CEACAM6: variants seen among roughly 807,000 people sequenced by gnomAD.
The protein encoded by CEACAM6 is CEA cell adhesion molecule 6, also known as cell adhesion molecule CEACAM6.
A neutral mutation model predicts 32.4 loss-of-function variants in CEACAM6; 21 were observed. That is an observed-to-expected ratio of 0.65 (90% CI 0.46 to 0.93). The LOEUF (loss-of-function observed/expected upper bound fraction) is 0.93, where lower values mean the gene tolerates loss of function less well. Among genes scored for constraint, CEACAM6 ranks in the 40% least tolerant of loss-of-function variants. The probability of loss-of-function intolerance (pLI) is 0.00; values close to 1 mark genes in which losing one functional copy is unlikely to be tolerated. For missense variants in CEACAM6, 406 were observed against 432.2 expected, an observed-to-expected ratio of 0.94 and a Z score of 0.54; for synonymous variants, 184 against 174.4, an observed-to-expected ratio of 1.06 and a Z score of -0.43.
intron 5 of CEACAM6, among the ~76,000 whole-genome samples, chr19:41,767,833 T>A (rs973417433): frequency 2.6e-4 from 39 of 152,192 alleles, no homozygotes; most frequent in Non-Finnish European, 4.6e-4. Context: ...CTCAGTAATC[T>A]AACTGAGAAA....
chr19:41,760,317 T>C (rs185028877), intron 2 of CEACAM6, among the ~76,000 whole-genome samples: 1 of 152,198 alleles, frequency 6.6e-6, no homozygotes, highest in Non-Finnish European at 1.5e-5. Flanking sequence ...GGAGAAAATA[T>C]TTGCAAAACT....
chr19:41,766,554 G>A (rs574794166), intron 5 of CEACAM6, among the ~76,000 whole-genome samples: 69 of 152,170 alleles, frequency 4.5e-4, no homozygotes, highest in South Asian at 3.3e-3. Context: ...AAGCCTCTTC[G>A]TCCTTTTTCA....
At chr19:41,764,916 C>A (rs182421036) in intron 4 of CEACAM6, among the ~76,000 whole-genome samples, 3 of 152,244 alleles carry the variant, frequency 2.0e-5, no homozygotes, top group African/African-American at 7.2e-5. Flanking sequence ...TTCAATTCTT[C>A]AACTGAAAAT....
chr19:41,766,367 ACTT>A (rs1439612395), intron 5 of CEACAM6, 68 bp downstream of exon 5: 2 of 745,036 alleles, frequency 2.7e-6, no homozygotes, highest in African/African-American at 1.8e-5. Context: ...AAGGAAAAAA[ACTT>A]CTTCACCTGT....
intron 3 of CEACAM6, 101 bp downstream of exon 3, chr19:41,761,628 C>A: frequency 6.4e-7 from 1 of 1,553,058 alleles, no homozygotes. Flanking sequence ...GACTCAGACC[C>A]TCACCCAGGC....
chr19:41,770,553 A>C (rs1334175973), intron 5 of CEACAM6, among the ~76,000 whole-genome samples: 1 of 151,498 alleles, frequency 6.6e-6, no homozygotes, highest in Non-Finnish European at 1.5e-5. Context: ...ACAGGGCAAG[A>C]CTCTGTCTCA....
At position 41,755,542 on chromosome 19, in the gene CEACAM6, A is replaced by C; in HGVS notation, c.-97A>C. ...GAGGAGGCTCAGCACAGAAGGAGGA[A>C]GGACAGCAGGGCCAACAGTCACAGC... On this transcript the variant is annotated 5_prime_UTR_variant, in exon 1 of 6. Coordinates refer to ENST00000199764, the MANE Select transcript of CEACAM6 (RefSeq NM_002483.7). 9.5e-6 allele frequency: 11 copies of C among 1,153,626 alleles called. No individual in the cohort carries two copies. Among genetic ancestry groups the C allele is most frequent in the Non-Finnish European group, 1.3e-6 (1 of 775,848 alleles). 71.5% of individuals were successfully genotyped at this position (1,153,626 alleles called of 1,614,324 possible). A position where few individuals can be genotyped will look rare whatever the true frequency, so the allele number is the denominator to read the frequency against.
intron 5 of CEACAM6, among the ~76,000 whole-genome samples, chr19:41,769,765 CA>C (rs1413734162): frequency 6.8e-6 from 1 of 147,550 alleles, no homozygotes; most frequent in Non-Finnish European, 1.5e-5. Flanking sequence ...TATTGATAAA[CA>C]ATTATTTGAT....
intron 4 of CEACAM6, among the ~76,000 whole-genome samples, chr19:41,763,288 G>A (rs1555822102): frequency 1.3e-5 from 2 of 152,066 alleles, no homozygotes; most frequent in Non-Finnish European, 2.9e-5. Context: ...CCCACAGCCT[G>A]ACCCCTGAAC....
intron 2 of CEACAM6, among the ~76,000 whole-genome samples, chr19:41,757,537 GCCT>G (rs1487768154): frequency 3.3e-5 from 5 of 152,136 alleles, no homozygotes; most frequent in Non-Finnish European, 5.9e-5. Context: ...TGAGGATAGG[GCCT>G]CCTCCTTCAC....
At chr19:41,757,664 G>A (rs1431813335) in intron 2 of CEACAM6, among the ~76,000 whole-genome samples, 1 of 152,188 alleles carries the variant, frequency 6.6e-6, no homozygotes, top group African/African-American at 2.4e-5. Context: ...GGGAGGAACA[G>A]AGAAGAGAGG....
chr19:41,763,772 C>T (rs1479429348), intron 4 of CEACAM6, among the ~76,000 whole-genome samples: 1 of 152,204 alleles, frequency 6.6e-6, no homozygotes, highest in Non-Finnish European at 1.5e-5. Flanking sequence ...CGGCAATCTT[C>T]TCTCTGTTTT....
Position 41,766,309 on chromosome 19 carries a change from C to A in CEACAM6, c.*40+10C>A. On this transcript the variant is annotated intron_variant, in intron 5 of 5. Transcript: ENST00000199764. Reference sequence around the variant, plus strand: ...TCAGGAAGACTGGCAGGTATGATCGCCTTTCCTCTTGCCATGTTTCCTGCA... The same window carrying A: ...TCAGGAAGACTGGCAGGTATGATCGACTTTCCTCTTGCCATGTTTCCTGCA... 1.4e-6 allele frequency: 2 copies of A among 1,400,522 alleles called. No homozygotes were observed. Among genetic ancestry groups the A allele is most frequent in the Non-Finnish European group, 2.0e-6 (2 of 1,021,838 alleles). The allele number at this position is 1,400,522 out of a possible 1,614,324, so 86.8% of individuals were successfully genotyped here.
intron 4 of CEACAM6, among the ~76,000 whole-genome samples, chr19:41,762,486 G>A (rs2072932736): frequency 6.6e-6 from 1 of 152,112 alleles, no homozygotes; most frequent in African/African-American, 2.4e-5. Flanking sequence ...TCAGCACTGA[G>A]CCCTGTGTAG....
intron 4 of CEACAM6, among the ~76,000 whole-genome samples, chr19:41,764,150 A>C (rs1293426614): frequency 2.0e-5 from 3 of 152,168 alleles, no homozygotes; most frequent in Admixed American, 6.5e-5. Flanking sequence ...TCTTATTACT[A>C]ATTATAGGTC....
intron 5 of CEACAM6, among the ~76,000 whole-genome samples, chr19:41,767,032 A>G (rs1200096100): frequency 6.8e-6 from 1 of 147,946 alleles, no homozygotes; most frequent in Non-Finnish European, 1.5e-5. Context: ...AAAAGAAGCC[A>G]AAGGAACCTG....
At chr19:41,770,594 T>C (rs2072988232) in intron 5 of CEACAM6, among the ~76,000 whole-genome samples, 1 of 152,138 alleles carries the variant, frequency 6.6e-6, no homozygotes, top group South Asian at 2.1e-4. Context: ...TGTGGTCACC[T>C]GCTACTCTTG....
chr19:41,762,192 T>C lies in CEACAM6; in HGVS notation c.927T>C (p.Asn309=), dbSNP rs373813627. ...CCCATAACTCAGCCACTGGCCTCAA[T>C]AGGACCACAGTCACGATGATCACAG... The part of the protein sequence containing the change: ...CQAHNSATGL[N]RTTVTMITVS... Residue 309 remains asparagine, a synonymous_variant, in exon 4 of 6, where the codon AAT becomes AAC. Coordinates refer to ENST00000199764, the MANE Select transcript of CEACAM6 (RefSeq NM_002483.7). 6.2e-6 allele frequency: 10 copies of C among 1,614,142 alleles called. No homozygotes were observed. The highest frequency in any genetic ancestry group is 1.7e-5 in the Admixed American group (1 of 60,020).
At chr19:41,759,615 G>A (rs1332259824) in intron 2 of CEACAM6, among the ~76,000 whole-genome samples, 4 of 152,066 alleles carry the variant, frequency 2.6e-5, no homozygotes, top group Non-Finnish European at 2.9e-5. Flanking sequence ...TTCATTTGAC[G>A]ACAATATGAT....
Sources: gnomAD v4.1 joint callset for allele counts (sites outside exome capture counted in the v4.1 genomes callset) on GRCh38, gnomAD v4.1.1 for gene constraint, MANE v1.5 for transcripts, NCBI Gene and HGNC (gene_info 2026-07-23, HGNC 2026-07-21) for gene names.